Variants in RPGRIP1 observed in about 807,000 individuals in gnomAD.
RPGRIP1 encodes X-linked retinitis pigmentosa GTPase regulator-interacting protein 1.
In RPGRIP1, 128 loss-of-function variants were observed where a neutral mutation model predicts 157.9. The ratio of observed to expected loss-of-function variants is 0.81; its 90% CI spans 0.70 to 0.94. The LOEUF (loss-of-function observed/expected upper bound fraction) is 0.94, where lower values mean the gene tolerates loss of function less well. RPGRIP1 is among the 40% of genes least tolerant of loss of function. RPGRIP1 has a pLI of 0.00. For synonymous variants in RPGRIP1, 554 were observed against 571.6 expected, an observed-to-expected ratio of 0.97 and a Z score of 0.44; for missense variants, 1,486 against 1,545.8, an observed-to-expected ratio of 0.96 and a Z score of 0.65.
At chr14:21,347,871 G>T (rs2139364297) in intron 23 of RPGRIP1, among the ~76,000 whole-genome samples, 1 of 152,262 alleles carries the variant, frequency 6.6e-6, no homozygotes, top group East Asian at 1.9e-4. Context: ...GACTATAGGT[G>T]TGTGCCACCA....
chr14:21,304,806 CTTTTT>C (rs879415682), intron 6 of RPGRIP1, among the ~76,000 whole-genome samples: 6 of 144,030 alleles, frequency 4.2e-5, no homozygotes, highest in Non-Finnish European at 6.1e-5. Context: ...GTTGTACATT[CTTTTT>C]TTTTTTTTGA....
intron 10 of RPGRIP1, among the ~76,000 whole-genome samples, chr14:21,315,514 A>C (rs939855927): frequency 8.4e-5 from 11 of 130,810 alleles, no homozygotes; most frequent in Non-Finnish European, 1.3e-4. Context: ...CTCAAAAAAA[A>C]AAAAAACAAA....
Position 21,321,358 on chromosome 14 carries a change from A to G in RPGRIP1, c.1567A>G (p.Arg523Gly). Residue 523 changes from arginine to glycine, a missense_variant, in exon 13 of 25, where the codon AGG (arginine) becomes GGG (glycine). By Grantham distance (125) the Arg-to-Gly change is moderately radical. Coordinates refer to ENST00000400017, the MANE Select transcript of RPGRIP1 (RefSeq NM_020366.4). ...GACCACATTGGAACTAGAAAAGACC[A>G]GGGACATGCTTATTCTGCAGCGCAA... ...AETTLELEKT[R>G]DMLILQRKIN... 2 of 1,613,924 alleles carry G rather than the reference A, an allele frequency of 1.2e-6. No individual in the cohort carries two copies. The highest frequency in any genetic ancestry group is 1.7e-6 in the Non-Finnish European group (2 of 1,179,842).
intron 23 of RPGRIP1, among the ~76,000 whole-genome samples, chr14:21,346,605 A>G (rs1159380921): frequency 6.6e-6 from 1 of 152,242 alleles, no homozygotes; most frequent in East Asian, 1.9e-4. Context: ...TTAAATAGGC[A>G]TATGGTTTTT....
At chr14:21,317,576 A>G (rs1881890599) in intron 10 of RPGRIP1, 120 bp from the exon 11 acceptor site, 2 of 1,537,150 alleles carry the variant, frequency 1.3e-6, no homozygotes, top group Non-Finnish European at 1.7e-6. Context: ...GCAAGGGCAG[A>G]AAAAAACATG....
intron 10 of RPGRIP1, among the ~76,000 whole-genome samples, chr14:21,314,776 C>A (rs1002589361): frequency 6.6e-6 from 1 of 150,488 alleles, no homozygotes; most frequent in African/African-American, 2.4e-5. Context: ...ACTTCTAGCA[C>A]TTTGAGAGGC....
At position 21,348,310 on chromosome 14, in the gene RPGRIP1, A is replaced by ATT; in HGVS notation, c.3748+16_3748+17dup. On this transcript the variant is annotated intron_variant, in intron 24 of 24. Coordinates refer to ENST00000400017, the MANE Select transcript of RPGRIP1 (RefSeq NM_020366.4). ...TAGAGCAAGAGCTAGACAGTGAGTC[A>ATT]TTTTTTTTTCAGTTCTAATTATTTC... 1 of 1,525,512 alleles carries ATT rather than the reference A, an allele frequency of 6.6e-7. No homozygotes were observed. The highest frequency in any genetic ancestry group is 8.8e-7 in the Non-Finnish European group (1 of 1,137,560). The allele number at this position is 1,525,512 out of a possible 1,614,324, so 94.5% of individuals were successfully genotyped here.
At chr14:21,311,739 A>C in intron 8 of RPGRIP1, 85 bp from the exon 9 acceptor site, 48 of 1,061,242 alleles carry the variant, frequency 4.5e-5, no homozygotes, top group Non-Finnish European at 5.8e-5. Flanking sequence ...GACATCTGTT[A>C]GAGAATGCTA....
intron 1 of RPGRIP1, among the ~76,000 whole-genome samples, chr14:21,287,467 A>G (rs925266631): frequency 5.3e-5 from 8 of 152,066 alleles, no homozygotes; most frequent in African/African-American, 1.4e-4. Context: ...TTTATTTTCA[A>G]CCTCCTAGGA....
intron 6 of RPGRIP1, among the ~76,000 whole-genome samples, chr14:21,305,938 T>G (rs905451941): frequency 1.3e-5 from 2 of 151,792 alleles, no homozygotes; most frequent in African/African-American, 4.8e-5. Flanking sequence ...TTTCAATTAT[T>G]TGGGGGGTAG....
At chr14:21,346,645 G>A (rs376533900) in intron 23 of RPGRIP1, among the ~76,000 whole-genome samples, 10 of 152,288 alleles carry the variant, frequency 6.6e-5, no homozygotes, top group African/African-American at 2.2e-4. Context: ...CATACCGCCT[G>A]TGCATGTGTG....
chr14:21,349,204 G>A (rs1460237280), intron 24 of RPGRIP1, among the ~76,000 whole-genome samples: 2 of 149,376 alleles, frequency 1.3e-5, no homozygotes, highest in Non-Finnish European at 1.5e-5. Flanking sequence ...CTGGGTAGCT[G>A]GGACTACAGG....
In RPGRIP1 at chr14:21,303,353, A is replaced by T; in HGVS notation, c.610A>T (p.Ile204Phe). 6.2e-7 allele frequency: 1 copy of T among 1,613,334 alleles called. No homozygotes were observed. Among genetic ancestry groups the T allele is most frequent in the Non-Finnish European group, 8.5e-7 (1 of 1,179,536 alleles). ...SELVSGSNSI[I>F]SFSSVISMAK... The stretch of plus-strand genomic sequence containing the variant: ...TAGTGTTTCTGGTTCTAACAGCATA[A>T]TTTCTTTCAGCAGTGTCATAAGTAT... The change falls in exon 6 of 25, where the codon ATT becomes TTT. Residue 204 changes from isoleucine to phenylalanine, a missense_variant. Physicochemically the swap from Ile to Phe is conservative, Grantham distance 21. Transcript: ENST00000400017.
In RPGRIP1 at chr14:21,338,698, C is replaced by G. The variant is rs541032904; in HGVS notation, c.3339+3993C>G. ...CAATTGTCAGTTCTGTATAGTCCAA[C>G]CTAATATGAATGAATAAAACATCTG... On this transcript the variant is annotated intron_variant, in intron 21 of 24. Coordinates refer to ENST00000400017, the MANE Select transcript of RPGRIP1 (RefSeq NM_020366.4). Among the ~76,000 whole-genome samples, 7 of 152,276 alleles carry G rather than the reference C, an allele frequency of 4.6e-5. No individual in the cohort carries two copies. The South Asian group carries it at 1.5e-3, about 32-fold the overall frequency.
intron 16 of RPGRIP1, 28 bp downstream of exon 16, chr14:21,325,411 T>C (rs1265078113): frequency 1.3e-6 from 2 of 1,551,852 alleles, no homozygotes; most frequent in Admixed American, 3.9e-5. Flanking sequence ...CCGAGGCATC[T>C]CAGAGGAGCC....
intron 2 of RPGRIP1, among the ~76,000 whole-genome samples, chr14:21,292,512 G>C (rs1425796770): frequency 1.3e-5 from 2 of 152,156 alleles, no homozygotes. Context: ...CTTGAGCCCA[G>C]CCTGGGCAAC....
rs751421999 is a variant in RPGRIP1, at chr14:21,334,614, C to G, written c.3248C>G (p.Ser1083Cys). 7 of 1,604,950 alleles carry G rather than the reference C, an allele frequency of 4.4e-6. No homozygotes were observed. The East Asian group carries it at 1.6e-4, about 36-fold the overall frequency. ...ACCTCTTCTCTAGCAGACAAAGAAT[C>G]CTCTGAACAAGGTTCTGAAGTCAGT... Reference protein sequence around the residue: ...EPLHPVNDKESSEQGSEVSEA... With the variant: ...EPLHPVNDKECSEQGSEVSEA... Residue 1083 changes from serine (S) to cysteine (C), a missense_variant, in exon 21 of 25, where the codon TCC becomes TGC. By Grantham distance (112) the Ser-to-Cys change is moderately radical (BLOSUM62 -1). Coordinates refer to ENST00000400017, the MANE Select transcript of RPGRIP1 (RefSeq NM_020366.4).
rs181357047 is a variant in RPGRIP1, at chr14:21,295,382, T to G, written c.218+573T>G. Reference sequence around the variant, plus strand: ...GGGCAAGTAAAAGAAGGGGTCTTTATTTACAAAAGAAAACTAAAGATCGTA... The same window carrying G: ...GGGCAAGTAAAAGAAGGGGTCTTTAGTTACAAAAGAAAACTAAAGATCGTA... On this transcript the variant is annotated intron_variant, in intron 3 of 24. Coordinates refer to ENST00000400017, the MANE Select transcript of RPGRIP1 (RefSeq NM_020366.4). 3.3e-5 allele frequency among the ~76,000 whole-genome samples: 5 copies of G among 152,112 alleles called. No homozygotes were observed. The East Asian group carries it at 9.7e-4, about 29-fold the overall frequency.
chr14:21,302,561 A>G lies in RPGRIP1; in HGVS notation c.564A>G (p.Glu188=), dbSNP rs574462207. 7 of 1,582,442 alleles carry G rather than the reference A, an allele frequency of 4.4e-6. No individual in the cohort carries two copies. The highest frequency in any genetic ancestry group is 1.8e-5 in the Admixed American group (1 of 56,458). The change falls in exon 5 of 25, where the codon GAA becomes GAG. Residue 188 remains glutamate, a synonymous_variant. Coordinates refer to ENST00000400017, the MANE Select transcript of RPGRIP1 (RefSeq NM_020366.4). ...ATGCGACAAATGAAAACAGAGGTGA[A>G]GTAGCCAGTAAACCCAGTGAACTGT... ...KEHATNENRG[E]VASKPSELVS... is the part of the protein sequence containing the mutation.
Sources: allele counts gnomAD v4.1 joint callset (sites outside exome capture counted in the v4.1 genomes callset), GRCh38; gene constraint gnomAD v4.1.1; transcripts MANE v1.5; gene names NCBI Gene and HGNC (gene_info 2026-07-23, HGNC 2026-07-21).